Variants in GSE1 observed in about 807,000 individuals in gnomAD.
The protein encoded by GSE1 is genetic suppressor element 1.
In GSE1, 32 loss-of-function variants were observed where a neutral mutation model predicts 112.6. That is an observed-to-expected ratio of 0.28 (90% CI 0.21 to 0.38). The LOEUF is 0.38. Ranked by LOEUF, GSE1 falls within the 10% of genes least tolerant of loss-of-function variation. GSE1 has a pLI of 1.00. For missense variants in GSE1, 2,348 were observed against 1,699.2 expected (o/e 1.38, Z -6.71); for synonymous variants, 1,115 against 735.6 (o/e 1.52, Z -8.35).
At chr16:85,329,852 AGG>A in intron 1 of GSE1, among the ~76,000 whole-genome samples, 1 of 92,710 alleles carries the variant, frequency 1.1e-5, no homozygotes, top group Non-Finnish European at 2.1e-5. Flanking sequence ...ATGTGTGGGG[AGG>A]GCGGAGGGCA....
At position 85,311,617 on chromosome 16, in the gene GSE1, C is replaced by A. The variant is rs2045850581; in HGVS notation, c.2284-45846C>A. Among the ~76,000 whole-genome samples, 1 of 152,068 alleles carries A rather than the reference C, an allele frequency of 6.6e-6. No individual in the cohort carries two copies. Among genetic ancestry groups the A allele is most frequent in the Non-Finnish European group, 1.5e-5 (1 of 67,980 alleles). On this transcript the variant is annotated intron_variant, in intron 1 of 2. Coordinates refer to the GSE1 transcript ENST00000637419. The surrounding 1 kb of genome is among the most constrained non-coding windows in gnomAD (Gnocchi z 4.2). ...TCCATGGGCTTCTGCTTCGGTGCCC[C>A]TGGGGGTCCTTCTCCAGGGCCCCTT...
intron 1 of GSE1, among the ~76,000 whole-genome samples, chr16:85,211,654 G>C (rs1250955949): frequency 6.6e-6 from 1 of 152,170 alleles, no homozygotes; most frequent in Admixed American, 6.5e-5. Context: ...TTCCCATCTG[G>C]CCTGGAGAGA....
At chr16:85,601,182 T>A (rs1337452372) in intron 1 of GSE1, among the ~76,000 whole-genome samples, 1 of 151,832 alleles carries the variant, frequency 6.6e-6, no homozygotes, top group Non-Finnish European at 1.5e-5. Context: ...TGTGAGACGC[T>A]TCCAGACGCC....
intron 1 of GSE1, among the ~76,000 whole-genome samples, chr16:85,245,364 T>C (rs1037561166): frequency 2.0e-5 from 3 of 152,162 alleles, no homozygotes; most frequent in Non-Finnish European, 1.5e-5. Context: ...GCCGGGAGCA[T>C]GGTGAAGGGA....
chr16:85,280,822 G>A (rs2930239), intron 1 of GSE1, among the ~76,000 whole-genome samples: 1 of 152,172 alleles, frequency 6.6e-6, no homozygotes, highest in African/African-American at 2.4e-5. Context: ...TGAGGACTCT[G>A]TCTTGTGTTA....
rs549273967 is a variant in GSE1 at position 85,271,224 on chromosome 16, G to A, written c.2284-86239G>A. On this transcript the variant is annotated intron_variant, in intron 1 of 2. Transcript: ENST00000637419. ...AGCATGTCTCTCACGGTGGGTCCCA[G>A]AGCCCCCAAGCAGGATCGAGTTCCA... Among the ~76,000 whole-genome samples, 88 of 152,196 alleles carry A rather than the reference G, an allele frequency of 5.8e-4. 2 individuals are homozygous for A. In the South Asian group the frequency reaches 0.018, roughly 32 times the overall value.
intron 2 of GSE1, among the ~76,000 whole-genome samples, chr16:85,383,655 C>T (rs2047618280): frequency 1.3e-5 from 2 of 152,142 alleles, no homozygotes; most frequent in Admixed American, 6.5e-5. Flanking sequence ...TGGACTCTTC[C>T]TGCCTCCCTC....
At chr16:85,321,340 A>C (rs2046103329) in intron 1 of GSE1, among the ~76,000 whole-genome samples, 1 of 152,174 alleles carries the variant, frequency 6.6e-6, no homozygotes, top group African/African-American at 2.4e-5. Flanking sequence ...CGAAGAAGGG[A>C]TCCACTCCAT....
intron 1 of GSE1, among the ~76,000 whole-genome samples, chr16:85,312,500 ATCTC>A (rs903865606): frequency 6.6e-6 from 1 of 151,884 alleles, no homozygotes; most frequent in Non-Finnish European, 1.5e-5. Context: ...TTGTCCCCAA[ATCTC>A]TCTCTCATTG....
chr16:85,413,270 C>T (rs926506954), intron 2 of GSE1, among the ~76,000 whole-genome samples: 2 of 152,096 alleles, frequency 1.3e-5, no homozygotes, highest in Non-Finnish European at 2.9e-5. Context: ...ACACGGGGAA[C>T]GAGGTGGGTT....
chr16:85,246,862 G>A (rs548376892), intron 1 of GSE1, among the ~76,000 whole-genome samples: 1 of 152,270 alleles, frequency 6.6e-6, no homozygotes, highest in Admixed American at 6.5e-5. Flanking sequence ...TTGTCACGGA[G>A]TCCTGGCTGG....
At chr16:85,399,827 G>A (rs569826666) in intron 2 of GSE1, among the ~76,000 whole-genome samples, 1 of 152,354 alleles carries the variant, frequency 6.6e-6, no homozygotes, top group South Asian at 2.1e-4. Flanking sequence ...GGTGGTGAGT[G>A]TTCCGTGAGT....
At chr16:85,251,467 T>A (rs1219956753) in intron 1 of GSE1, among the ~76,000 whole-genome samples, 1 of 152,224 alleles carries the variant, frequency 6.6e-6, no homozygotes, top group African/African-American at 2.4e-5. Context: ...TTCCCTGGGC[T>A]CAGCAGGAAA....
intron 1 of GSE1, among the ~76,000 whole-genome samples, chr16:85,580,484 C>G (rs1356501994): frequency 6.6e-6 from 1 of 152,214 alleles, no homozygotes; most frequent in African/African-American, 2.4e-5. Flanking sequence ...CATTGAGCCT[C>G]TCAGACCTCT....
intron 1 of GSE1, among the ~76,000 whole-genome samples, chr16:85,331,067 G>A (rs1427474133): frequency 2.0e-5 from 3 of 152,058 alleles, no homozygotes; most frequent in Non-Finnish European, 4.4e-5. Flanking sequence ...GAGCTCAGGC[G>A]CTCCTCTGGA....
At chr16:85,238,912 CT>C (rs1302810970) in intron 1 of GSE1, among the ~76,000 whole-genome samples, 1 of 152,112 alleles carries the variant, frequency 6.6e-6, no homozygotes, top group Non-Finnish European at 1.5e-5. Context: ...ACACCCGGGC[CT>C]GGGGAGGACA....
At chr16:85,303,517 G>C (rs948283167) in intron 1 of GSE1, among the ~76,000 whole-genome samples, 1 of 152,254 alleles carries the variant, frequency 6.6e-6, no homozygotes, top group Admixed American at 6.5e-5. Flanking sequence ...CTGTGAGCCC[G>C]GGGCCGCTGG....
chr16:85,614,451 C>G (rs1255118390), intron 1 of GSE1, among the ~76,000 whole-genome samples: 2 of 152,180 alleles, frequency 1.3e-5, no homozygotes, highest in African/African-American at 4.8e-5. Flanking sequence ...GGGTGGGGGA[C>G]CAGGGGGGCA....
intron 1 of GSE1, among the ~76,000 whole-genome samples, chr16:85,173,281 G>C (rs1487540000): frequency 6.6e-6 from 1 of 152,206 alleles, no homozygotes. Flanking sequence ...TCAGTCAGTA[G>C]GTATCTGAGG....
Sources: gnomAD v4.1 joint callset for allele counts (sites outside exome capture counted in the v4.1 genomes callset) on GRCh38, gnomAD v4.1.1 for gene constraint, Gnocchi (gnomAD v3.1) non-coding constraint, MANE v1.5 for transcripts, NCBI Gene and HGNC (gene_info 2026-07-23, HGNC 2026-07-21) for gene names.